ANXA4: variants seen among roughly 807,000 people sequenced by gnomAD.
ANXA4 encodes the protein 35-beta calcimedin.
Under a neutral mutation model 49.8 loss-of-function variants are expected in ANXA4, and 39 were observed. The ratio of observed to expected loss-of-function variants is 0.78; its 90% CI spans 0.61 to 1.02. The LOEUF (loss-of-function observed/expected upper bound fraction) is 1.02, where lower values mean the gene tolerates loss of function less well. Ranked by LOEUF, ANXA4 falls within the 50% of genes least tolerant of loss-of-function variation. The pLI, the probability that ANXA4 is intolerant of heterozygous loss-of-function variation, is 0.00. For missense variants in ANXA4, 360 were observed against 410.1 expected, an observed-to-expected ratio of 0.88 and a Z score of 1.05; for synonymous variants, 134 against 152.5, an observed-to-expected ratio of 0.88 and a Z score of 0.89.
chr2:69,711,192 TA>T (rs1678668155), intron 2 of ANXA4, among the ~76,000 whole-genome samples: 1 of 152,128 alleles, frequency 6.6e-6, no homozygotes, highest in South Asian at 2.1e-4. Flanking sequence ...GAGCTGGGCA[TA>T]GTGACACACA....
upstream of ANXA4, among the ~76,000 whole-genome samples, chr2:69,741,091 C>G (rs1670381780): frequency 6.6e-6 from 1 of 152,114 alleles, no homozygotes; most frequent in South Asian, 2.1e-4. Flanking sequence ...CCATATTAAA[C>G]CACCTTTTAA....
At chr2:69,765,814 G>A (rs1015043083) in intron 1 of ANXA4, among the ~76,000 whole-genome samples, 1 of 152,148 alleles carries the variant, frequency 6.6e-6, no homozygotes, top group Non-Finnish European at 1.5e-5. Flanking sequence ...CAGAAAGAAA[G>A]TGAGAGGAGG....
intron 2 of ANXA4, among the ~76,000 whole-genome samples, chr2:69,659,684 G>A (rs1334755680): frequency 2.0e-5 from 3 of 152,238 alleles, no homozygotes; most frequent in Admixed American, 2.0e-4. Context: ...TCTTTGGGAG[G>A]CTGTAGCAGG....
At chr2:69,726,241 C>T (rs1254277383) in intron 3 of ANXA4, among the ~76,000 whole-genome samples, 1 of 152,204 alleles carries the variant, frequency 6.6e-6, no homozygotes, top group Non-Finnish European at 1.5e-5. Flanking sequence ...CTCCTGCCAA[C>T]ACGTAAGACG....
chr2:69,666,906 C>T (rs1220810629), intron 2 of ANXA4, among the ~76,000 whole-genome samples: 1 of 151,980 alleles, frequency 6.6e-6, no homozygotes, highest in African/African-American at 2.4e-5. Context: ...ATTAGCTAAG[C>T]GTGTTGGTGC....
intron 2 of ANXA4, among the ~76,000 whole-genome samples, chr2:69,669,446 C>T (rs377673166): frequency 3.3e-5 from 5 of 151,286 alleles, no homozygotes; most frequent in Admixed American, 2.6e-4. Context: ...CTTGTCTCTA[C>T]TAAAAATACA....
chr2:69,649,924 A>ATTTTTTTTTTTT (rs35212855), intron 1 of ANXA4, among the ~76,000 whole-genome samples: 12 of 52,038 alleles, frequency 2.3e-4, no homozygotes, highest in Non-Finnish European at 3.4e-4. Flanking sequence ...GCCTGGCCTG[A>ATTTTTTTTTTTT]TTTTTTTTTT....
chr2:69,784,967 T>C (rs758714700), intron 2 of ANXA4, among the ~76,000 whole-genome samples: 10 of 152,226 alleles, frequency 6.6e-5, no homozygotes, highest in Non-Finnish European at 1.2e-4. Flanking sequence ...AACTGATTAA[T>C]CTGCAGTGGC....
chr2:69,793,861 A>G (rs1243314834), intron 3 of ANXA4, among the ~76,000 whole-genome samples: 1 of 89,658 alleles, frequency 1.1e-5, no homozygotes, highest in Admixed American at 1.2e-4. Flanking sequence ...CAGTCAACTG[A>G]GAAAAAAAAG....
intron 1 of ANXA4, among the ~76,000 whole-genome samples, chr2:69,755,617 A>T (rs1671012189): frequency 6.6e-6 from 1 of 152,168 alleles, no homozygotes; most frequent in Non-Finnish European, 1.5e-5. Context: ...CCTCAAAAAA[A>T]TTTTTTTAAT....
chr2:69,722,961 A>G (rs1669852335), intron 3 of ANXA4, among the ~76,000 whole-genome samples: 1 of 150,724 alleles, frequency 6.6e-6, no homozygotes, highest in Non-Finnish European at 1.5e-5. Context: ...TCACGAGGTC[A>G]GGAGATCAAG....
At chr2:69,758,437 T>C (rs777262598) in intron 1 of ANXA4, among the ~76,000 whole-genome samples, 6 of 152,156 alleles carry the variant, frequency 3.9e-5, no homozygotes, top group East Asian at 1.9e-4. Flanking sequence ...CTGGGCAACA[T>C]AGGGAGACTC....
intron 7 of ANXA4, 70 bp from the exon 8 acceptor site, chr2:69,812,583 A>G (rs186685909): frequency 1.5e-6 from 2 of 1,360,102 alleles, no homozygotes; most frequent in Non-Finnish European, 1.0e-6. Context: ...TAGACCTGCT[A>G]TCTTAATGGT....
intron 1 of ANXA4, among the ~76,000 whole-genome samples, chr2:69,753,440 C>T (rs906950511): frequency 5.3e-5 from 8 of 152,190 alleles, no homozygotes; most frequent in African/African-American, 1.7e-4. Context: ...CTGCTCCCCA[C>T]GTGACTTTTG....
intron 3 of ANXA4, among the ~76,000 whole-genome samples, chr2:69,797,422 A>G (rs1348173409): frequency 6.6e-6 from 1 of 152,084 alleles, no homozygotes; most frequent in Non-Finnish European, 1.5e-5. Context: ...CTGCCTAATA[A>G]TTGGGTAATT....
intron 2 of ANXA4, among the ~76,000 whole-genome samples, chr2:69,695,620 G>A (rs1040469240): frequency 1.3e-5 from 2 of 152,202 alleles, no homozygotes; most frequent in African/African-American, 4.8e-5. Context: ...ATCCCCTTGG[G>A]AGAAGCCTTT....
At chr2:69,789,615 G>A (rs767186721) in intron 3 of ANXA4, among the ~76,000 whole-genome samples, 8 of 152,046 alleles carry the variant, frequency 5.3e-5, no homozygotes, top group East Asian at 1.9e-4. Context: ...GGTCCCGAGC[G>A]GGTTGCCAAG....
intron 3 of ANXA4, among the ~76,000 whole-genome samples, chr2:69,727,233 T>C (rs934828274): frequency 4.6e-5 from 7 of 152,242 alleles, no homozygotes; most frequent in Non-Finnish European, 1.0e-4. Context: ...CAAATAATGC[T>C]CCTATAAAAT....
intron 3 of ANXA4, among the ~76,000 whole-genome samples, chr2:69,735,591 A>T (rs1204402689): frequency 7.0e-6 from 1 of 143,376 alleles, no homozygotes; most frequent in African/African-American, 2.6e-5. Flanking sequence ...ATCAGAGGGG[A>T]GACTTGCCAC....
Sources: gnomAD v4.1 joint callset for allele counts (sites outside exome capture counted in the v4.1 genomes callset) on GRCh38, gnomAD v4.1.1 for gene constraint, MANE v1.5 for transcripts, NCBI Gene and HGNC (gene_info 2026-07-23, HGNC 2026-07-21) for gene names.